Variants in GRAMD1C observed in about 807,000 individuals in gnomAD.
GRAMD1C encodes GRAM domain containing 1C.
In GRAMD1C, 89 loss-of-function variants were observed where a neutral mutation model predicts 97.8. The ratio of observed to expected loss-of-function variants is 0.91; its 90% CI spans 0.77 to 1.09. The LOEUF is 1.09. GRAMD1C is among the 50% of genes least tolerant of loss of function. GRAMD1C has a pLI of 0.00. For missense variants in GRAMD1C, 740 were observed against 766.4 expected (o/e 0.97, Z 0.41); for synonymous variants, 256 against 267.0 (o/e 0.96, Z 0.40).
chr3:113,838,231 A>G (rs143156022), upstream of GRAMD1C, among the ~76,000 whole-genome samples: 35 of 152,278 alleles, frequency 2.3e-4, 2 homozygotes, highest in South Asian at 6.0e-3. Flanking sequence ...AGAATCTGCA[A>G]TACGTACAGC....
rs1175859341 is a variant in GRAMD1C, at chr3:113,876,215, T to C, written c.414T>C (p.Ala138=). The part of the protein sequence containing the change: ...NITFMTKEKT[A]RLIPNAIQIV... Reference sequence around the variant, plus strand: ...CCTTCATGACCAAGGAAAAAACTGCTCGACTCATCCCAAACGCTATCCAGA... The same window carrying C: ...CCTTCATGACCAAGGAAAAAACTGCCCGACTCATCCCAAACGCTATCCAGA... Residue 138 remains alanine (A), a synonymous_variant, in exon 5 of 18, where the codon GCT becomes GCC. Transcript: ENST00000358160. The C allele has an allele frequency of 1.2e-5, 19 of 1,603,480 alleles. No homozygotes were observed. Among genetic ancestry groups the C allele is most frequent in the Non-Finnish European group, 1.5e-5 (18 of 1,170,994 alleles).
chr3:113,910,380 C>T (rs967989131), intron 9 of GRAMD1C, among the ~76,000 whole-genome samples: 2 of 152,132 alleles, frequency 1.3e-5, no homozygotes, highest in Admixed American at 6.5e-5. Context: ...GAGACTCCGT[C>T]TCAAAAAACA....
rs149974081 is a variant in GRAMD1C at position 113,892,832 on chromosome 3, C to T, written c.541-8199C>T. On this transcript the variant is annotated intron_variant, in intron 6 of 17. Coordinates refer to ENST00000358160, the MANE Select transcript of GRAMD1C (RefSeq NM_017577.5). ...GTTTTAGGCCCTTCCCACTCCACTCCTCAGCTCTTTTTTTTCATTTGTGCC... is the reference window on the plus strand; with the variant it reads ...GTTTTAGGCCCTTCCCACTCCACTCTTCAGCTCTTTTTTTTCATTTGTGCC... Among the ~76,000 whole-genome samples the T allele has an allele frequency of 4.5e-4, 69 of 152,230 alleles. 1 individual carries two copies. The East Asian group carries it at 0.013, about 29-fold the overall frequency.
chr3:113,894,376 T>A (rs762478942), intron 6 of GRAMD1C, among the ~76,000 whole-genome samples: 2 of 152,052 alleles, frequency 1.3e-5, no homozygotes, highest in Non-Finnish European at 2.9e-5. Context: ...CCTCCTAGGT[T>A]CAAGCGATTC....
chr3:113,919,848 A>G, intron 10 of GRAMD1C: 2 of 651,600 alleles, frequency 3.1e-6, no homozygotes, highest in South Asian at 2.8e-5. Context: ...ATGGAGTTAC[A>G]ACTGATCAAA....
chr3:113,839,636 A>T (rs1355786021), intron 1 of GRAMD1C, among the ~76,000 whole-genome samples: 1 of 152,198 alleles, frequency 6.6e-6, no homozygotes, highest in African/African-American at 2.4e-5. Context: ...TGATTTGAAA[A>T]ACATTACTAT....
intron 12 of GRAMD1C, 96 bp from the exon 13 acceptor site, chr3:113,934,336 G>A (rs2107372375): frequency 3.0e-6 from 2 of 663,356 alleles, no homozygotes; most frequent in African/African-American, 3.8e-5. Context: ...GAATCTTTTT[G>A]ACTTTCCACT....
chr3:113,838,976 G>A, intron 1 of GRAMD1C, 40 bp downstream of exon 1: 2 of 1,208,940 alleles, frequency 1.7e-6, no homozygotes, highest in South Asian at 8.3e-5. Context: ...CCCATCTGTG[G>A]CTTTAGCCTA....
intron 1 of GRAMD1C, among the ~76,000 whole-genome samples, chr3:113,840,435 GAATTTA>G: frequency 6.6e-6 from 1 of 152,142 alleles, no homozygotes; most frequent in Middle Eastern, 3.4e-3. Flanking sequence ...ATTTGAATTT[GAATTTA>G]AGTCAGCCAT....
At position 113,895,261 on chromosome 3, in the gene GRAMD1C, G is replaced by A. The variant is rs568843273; in HGVS notation, c.541-5770G>A. Among the ~76,000 whole-genome samples the A allele has an allele frequency of 9.2e-5, 14 of 152,178 alleles. No individual in the cohort carries two copies. The East Asian group carries it at 2.3e-3, about 25-fold the overall frequency. On this transcript the variant is annotated intron_variant, in intron 6 of 17. Coordinates refer to ENST00000358160, the MANE Select transcript of GRAMD1C (RefSeq NM_017577.5). Reference sequence around the variant, plus strand: ...TCCAAGGTATTCAGGTGTTCTGGGCGATAGAAGAAAAGATTTCTGATCACC... The same window carrying A: ...TCCAAGGTATTCAGGTGTTCTGGGCAATAGAAGAAAAGATTTCTGATCACC...
At chr3:113,883,946 G>A (rs1343884157) in intron 6 of GRAMD1C, among the ~76,000 whole-genome samples, 2 of 151,952 alleles carry the variant, frequency 1.3e-5, no homozygotes, top group Non-Finnish European at 2.9e-5. Context: ...AGGAGTTCAG[G>A]GCCAGCCTGG....
At chr3:113,923,940 C>G (rs141534650) in intron 10 of GRAMD1C, among the ~76,000 whole-genome samples, 7 of 152,132 alleles carry the variant, frequency 4.6e-5, no homozygotes, top group African/African-American at 1.7e-4. Flanking sequence ...TTTTTAATTA[C>G]TGGTTCAATT....
In GRAMD1C at chr3:113,831,954, T is replaced by C. The variant is rs1004465774; in HGVS notation, n.98+3675T>C. 5.8e-4 allele frequency among the ~76,000 whole-genome samples: 88 copies of C among 152,186 alleles called. 5 individuals carry two copies. The highest frequency in any genetic ancestry group is 2.9e-5 in the Non-Finnish European group (2 of 68,034). On this transcript the variant is annotated intron_variant and non_coding_transcript_variant, in intron 1 of 18. Transcript: ENST00000479212. ...TGTTTCTATTATTTTTCTCTGTATATGGGTCAAACTGTCTTGTTTCTTTGT... is the reference window on the plus strand; with the variant it reads ...TGTTTCTATTATTTTTCTCTGTATACGGGTCAAACTGTCTTGTTTCTTTGT...
intron 2 of GRAMD1C, among the ~76,000 whole-genome samples, chr3:113,852,433 C>T (rs189783059): frequency 6.6e-6 from 1 of 152,116 alleles, no homozygotes; most frequent in East Asian, 1.9e-4. Flanking sequence ...GCTCGATAAA[C>T]CTAGATATCT....
chr3:113,851,215 G>T (rs776479258), intron 2 of GRAMD1C, among the ~76,000 whole-genome samples: 4 of 152,124 alleles, frequency 2.6e-5, no homozygotes, highest in Admixed American at 6.6e-5. Flanking sequence ...TCCTTTGTGT[G>T]TTCCTCTTTG....
At position 113,933,572 on chromosome 3, in the gene GRAMD1C, A is replaced by T; in HGVS notation, c.1271A>T (p.His424Leu). ...FYLVDSEVLTHDVPYHDYFYT... is the reference protein window; with the variant it reads ...FYLVDSEVLTLDVPYHDYFYT... ...TTGGTAGATTCAGAAGTACTGACAC[A>T]TGATGTCCCCTACCATGATTACTTC... The change falls in exon 12 of 18, where the codon CAT (histidine) becomes CTT (leucine). Residue 424 changes from histidine (H) to leucine (L), a missense_variant. Coordinates refer to ENST00000358160, the MANE Select transcript of GRAMD1C (RefSeq NM_017577.5). 6.2e-7 allele frequency: 1 copy of T among 1,602,896 alleles called. No individual in the cohort carries two copies. Among genetic ancestry groups the T allele is most frequent in the Non-Finnish European group, 8.5e-7 (1 of 1,169,780 alleles).
chr3:113,865,263 TA>T (rs1256401251), intron 2 of GRAMD1C, among the ~76,000 whole-genome samples: 1 of 152,162 alleles, frequency 6.6e-6, no homozygotes, highest in Non-Finnish European at 1.5e-5. Flanking sequence ...AAACACCTCT[TA>T]AAGTTCCTAC....
In GRAMD1C at chr3:113,882,814, G is replaced by C; in HGVS notation, c.522G>C (p.Gln174His). 2 of 1,571,020 alleles carry C rather than the reference G, an allele frequency of 1.3e-6. No individual in the cohort carries two copies. Among genetic ancestry groups the C allele is most frequent in the Non-Finnish European group, 1.8e-6 (2 of 1,141,570 alleles). ...RSYLSIFRLW[Q>H]NVLLDKSLTR... ...ACCTCAGTATCTTTAGGTTGTGGCA[G>C]AATGTATTATTAGATAAGGTAAGTG... is the stretch of plus-strand genomic sequence containing the variant. Residue 174 changes from glutamine (Q) to histidine (H), a missense_variant, in exon 6 of 18, where the codon CAG becomes CAC. Coordinates refer to ENST00000358160, the MANE Select transcript of GRAMD1C (RefSeq NM_017577.5).
rs1937577741 is a variant in GRAMD1C, at chr3:113,936,336, A to G, written c.1527A>G (p.Leu509=). 1.9e-6 allele frequency: 3 copies of G among 1,611,012 alleles called. No individual in the cohort carries two copies. Among genetic ancestry groups the G allele is most frequent in the Admixed American group, 3.3e-5 (2 of 59,980 alleles). The part of the protein sequence containing the change: ...AIEDPGKLTG[L]RRRRRTFNRT... ...AAGACCCTGGAAAACTTACTGGCCT[A>G]CGAAGGAGAAGGCGAACCTTCAACC... Residue 509 remains leucine, a synonymous_variant, in exon 14 of 18, where the codon CTA becomes CTG. Coordinates refer to ENST00000358160, the MANE Select transcript of GRAMD1C (RefSeq NM_017577.5).
Sources: gnomAD v4.1 joint callset for allele counts (sites outside exome capture counted in the v4.1 genomes callset) on GRCh38, gnomAD v4.1.1 for gene constraint, MANE v1.5 for transcripts, NCBI Gene and HGNC (gene_info 2026-07-23, HGNC 2026-07-21) for gene names.